The following MAGT1 variants were observed in gnomAD, a reference collection of about 807,000 sequenced individuals.
MAGT1 encodes the protein dolichyl-diphosphooligosaccharide--protein glycosyltransferase subunit MAGT1.
In MAGT1, 4 loss-of-function variants were observed where a neutral mutation model predicts 28.4. That is an observed-to-expected ratio of 0.14 (90% CI 0.07 to 0.32). The LOEUF is 0.32. MAGT1 is among the 10% of genes least tolerant of loss of function. MAGT1 has a pLI of 1.00. For synonymous variants in MAGT1, 89 were observed against 89.7 expected, an observed-to-expected ratio of 0.99 and a Z score of 0.04; for missense variants, 193 against 264.5, an observed-to-expected ratio of 0.73 and a Z score of 1.88.
intron 1 of MAGT1, among the ~76,000 whole-genome samples, chrX:77,876,078 G>A (rs782681592): frequency 1.3e-4 from 12 of 94,446 alleles, no homozygotes; most frequent in East Asian, 9.9e-4. Flanking sequence ...CAATCTGCCC[G>A]CCTCAGCTAC....
chrX:77,845,100 A>G lies in MAGT1; in HGVS notation c.827-3780T>C, dbSNP rs187596488. Among the ~76,000 whole-genome samples, 110 of 111,427 alleles carry G rather than the reference A, an allele frequency of 9.9e-4. 1 individual carries two copies. In the East Asian group the frequency reaches 0.014, roughly 14 times the overall value. ...GTCTAAGTCTCTTTGTATGTCTCTA[A>G]GGACTCGCTTTATGAATCTGGGTGC... On this transcript the variant is annotated intron_variant, in intron 7 of 9. Coordinates refer to ENST00000618282, the MANE Select transcript of MAGT1 (RefSeq NM_001367916.1).
chrX:77,888,445 C>T (rs1557219169), intron 1 of MAGT1, among the ~76,000 whole-genome samples: 1 of 111,224 alleles, frequency 9.0e-6, no homozygotes, highest in Non-Finnish European at 1.9e-5. Context: ...GTCTCTAATC[C>T]TATTTGTAAT....
intron 7 of MAGT1, among the ~76,000 whole-genome samples, chrX:77,842,743 C>G (rs1159059379): frequency 9.0e-6 from 1 of 110,729 alleles, no homozygotes; most frequent in Non-Finnish European, 1.9e-5. Flanking sequence ...AGGATAATCA[C>G]TTGAACCCGG....
intron 2 of MAGT1, among the ~76,000 whole-genome samples, chrX:77,872,683 C>G (rs1404960745): frequency 9.0e-6 from 1 of 111,679 alleles, no homozygotes; most frequent in African/African-American, 3.3e-5. Flanking sequence ...TTATTTCCTC[C>G]ATCAGGCCAA....
chrX:77,863,287 C>T (rs543202468), intron 3 of MAGT1, among the ~76,000 whole-genome samples: 27 of 109,576 alleles, frequency 2.5e-4, no homozygotes, highest in Middle Eastern at 9.5e-3. Flanking sequence ...CCGAGGTGGG[C>T]GGATCACGAG....
chrX:77,867,292 C>T (rs2077010603), intron 3 of MAGT1, among the ~76,000 whole-genome samples: 1 of 66,477 alleles, frequency 1.5e-5, no homozygotes, highest in South Asian at 6.7e-4. Flanking sequence ...TGGTGTTCCT[C>T]TCCCATAATG....
chrX:77,854,393 G>T (rs1195264526), intron 6 of MAGT1, among the ~76,000 whole-genome samples: 1 of 111,609 alleles, frequency 9.0e-6, no homozygotes, highest in Non-Finnish European at 1.9e-5. Context: ...GGCCAGGCTG[G>T]TCTCAAACTC....
intron 1 of MAGT1, among the ~76,000 whole-genome samples, chrX:77,886,098 C>T (rs1385989786): frequency 1.8e-5 from 2 of 111,865 alleles, no homozygotes; most frequent in Non-Finnish European, 3.8e-5. Context: ...GCTGGGATTA[C>T]AGGCTCAAAC....
chrX:77,875,525 C>T lies in MAGT1; in HGVS notation c.175G>A (p.Asp59Asn), dbSNP rs2149025191. ...NKRPVIRMNG[D>N]KFRRLVKAPP... ...GCTTTCACAAGGCGACGGAACTTGT[C>T]TCCATTCATTCTTATTACAGGTCTT... is the stretch of plus-strand genomic sequence containing the variant. The change falls in exon 2 of 10, where the codon GAC becomes AAC. Residue 59 changes from aspartate (D) to asparagine (N), a missense_variant. By Grantham distance (23) the Asp-to-Asn change is conservative. Coordinates refer to ENST00000618282, the MANE Select transcript of MAGT1 (RefSeq NM_001367916.1). 8.3e-7 allele frequency: 1 copy of T among 1,208,882 alleles called. No individual in the cohort carries two copies. Among genetic ancestry groups the T allele is most frequent in the Non-Finnish European group, 1.1e-6 (1 of 893,612 alleles).
chrX:77,888,601 G>GA (rs1200479800), intron 1 of MAGT1, among the ~76,000 whole-genome samples: 2 of 111,405 alleles, frequency 1.8e-5, no homozygotes, highest in Non-Finnish European at 3.8e-5. Context: ...TTAATAACCA[G>GA]AAATTGTCCT....
intron 3 of MAGT1, among the ~76,000 whole-genome samples, chrX:77,868,900 A>G (rs2077013835): frequency 8.9e-6 from 1 of 112,242 alleles, no homozygotes; most frequent in African/African-American, 3.2e-5. Flanking sequence ...AAAAAGGTTC[A>G]GTTTCAAACA....
At chrX:77,848,288 T>A (rs781812615) in intron 7 of MAGT1, among the ~76,000 whole-genome samples, 1 of 112,301 alleles carries the variant, frequency 8.9e-6, no homozygotes, top group East Asian at 2.8e-4. Flanking sequence ...CCTGATTAAA[T>A]GTTACTCCAG....
chrX:77,892,606 G>C (rs1355823839), intron 1 of MAGT1, among the ~76,000 whole-genome samples: 1 of 110,210 alleles, frequency 9.1e-6, no homozygotes, highest in Non-Finnish European at 1.9e-5. Context: ...AGGCCAGCCT[G>C]GACAACACAG....
chrX:77,886,074 C>T (rs1349828997), intron 1 of MAGT1, among the ~76,000 whole-genome samples: 1 of 111,810 alleles, frequency 8.9e-6, no homozygotes, highest in Non-Finnish European at 1.9e-5. Context: ...ACTCCTCCCT[C>T]ATCCTCCTGA....
intron 3 of MAGT1, among the ~76,000 whole-genome samples, chrX:77,870,461 G>A (rs1211233216): frequency 6.3e-5 from 7 of 111,220 alleles, no homozygotes; most frequent in African/African-American, 2.3e-4. Flanking sequence ...AGTATAGATA[G>A]CTATACTAAA....
intron 8 of MAGT1, 104 bp from the exon 9 acceptor site, chrX:77,830,999 T>TTGAG: frequency 6.3e-6 from 1 of 159,602 alleles, no homozygotes. Context: ...TATTTTATTT[T>TTGAG]ATTTTATTTT....
intron 3 of MAGT1, among the ~76,000 whole-genome samples, chrX:77,864,013 A>G (rs1337044405): frequency 9.0e-6 from 1 of 110,910 alleles, no homozygotes; most frequent in Admixed American, 9.7e-5. Flanking sequence ...GAAAGACTCC[A>G]TCTCAAAGAA....
At chrX:77,863,050 C>A (rs1210560388) in intron 3 of MAGT1, among the ~76,000 whole-genome samples, 1 of 109,412 alleles carries the variant, frequency 9.1e-6, no homozygotes, top group East Asian at 2.9e-4. Context: ...GCCTGTAATC[C>A]CAGCTGCTCA....
At chrX:77,874,806 T>TA (rs1329503896) in intron 2 of MAGT1, among the ~76,000 whole-genome samples, 4 of 108,708 alleles carry the variant, frequency 3.7e-5, no homozygotes, top group Admixed American at 1.0e-4. Context: ...TTACAAATAA[T>TA]AAAAAAATAC....
Sources: allele counts gnomAD v4.1 joint callset (sites outside exome capture counted in the v4.1 genomes callset), GRCh38; gene constraint gnomAD v4.1.1; transcripts MANE v1.5; gene names NCBI Gene and HGNC (gene_info 2026-07-23, HGNC 2026-07-21).